Variants in AKR1E2 observed in about 807,000 individuals in gnomAD.
The protein encoded by AKR1E2 is 1,5-anhydro-D-fructose reductase.
Under a neutral mutation model 41.9 loss-of-function variants are expected in AKR1E2, and 43 were observed. The ratio of observed to expected loss-of-function variants is 1.03; its 90% CI spans 0.80 to 1.32. The LOEUF is 1.32. Among genes scored for constraint, AKR1E2 ranks in the 40% most tolerant of loss-of-function variants. The pLI is 0.00. For missense variants in AKR1E2, 423 were observed against 396.5 expected, an observed-to-expected ratio of 1.07 and a Z score of -0.57; for synonymous variants, 121 against 138.9, an observed-to-expected ratio of 0.87 and a Z score of 0.91.
intron 1 of AKR1E2, 126 bp from the exon 2 acceptor site, chr10:4,830,549 A>G: frequency 9.7e-7 from 1 of 1,026,820 alleles, no homozygotes; most frequent in Non-Finnish European, 1.4e-6. Flanking sequence ...TAGACTGATT[A>G]TACTAGTACC....
At position 4,833,472 on chromosome 10, in the gene AKR1E2, G is replaced by T. The variant is rs41289263; in HGVS notation, c.324+6G>T. On this transcript the variant is annotated splice_donor_region_variant and intron_variant, in intron 3 of 9. Transcript: ENST00000298375. ...ACTGGCCCATGGGTTTCAAGGTACCGTTCAGTAGGTAGTTCGTTCTGCAGT... is the reference window on the plus strand; with the variant it reads ...ACTGGCCCATGGGTTTCAAGGTACCTTTCAGTAGGTAGTTCGTTCTGCAGT... 6.2e-7 allele frequency: 1 copy of T among 1,608,538 alleles called. No individual in the cohort carries two copies. The highest frequency in any genetic ancestry group is 8.5e-7 in the Non-Finnish European group (1 of 1,174,960).
At chr10:4,854,099 T>G in the AKR1E2 span, among the ~76,000 whole-genome samples, 12 of 147,762 alleles carry the variant, frequency 8.1e-5, 1 homozygote, top group African/African-American at 2.0e-4. Flanking sequence ...TTTTTTTTTT[T>G]TTTTTTTTTT....
chr10:4,872,005 G>A, the AKR1E2 span: 1 of 152,110 alleles, frequency 6.6e-6, no homozygotes, highest in Non-Finnish European at 1.5e-5. Context: ...CTGTTAAACT[G>A]GTGTGAGCCT....
At chr10:4,835,631 T>A (rs1195621950) in intron 3 of AKR1E2, 44 bp from the exon 4 acceptor site, 1 of 1,598,974 alleles carries the variant, frequency 6.3e-7, no homozygotes, top group East Asian at 2.3e-5. Context: ...TTTTTTGTTT[T>A]GTTTTGTTTT....
intron 7 of AKR1E2, among the ~76,000 whole-genome samples, 170 bp downstream of exon 7, chr10:4,842,027 TA>T (rs1376222664): frequency 6.6e-6 from 1 of 152,176 alleles, no homozygotes; most frequent in African/African-American, 2.4e-5. Flanking sequence ...GCCGCATTTC[TA>T]GTCACTCAAG....
chr10:4,868,569 G>C, the AKR1E2 span, among the ~76,000 whole-genome samples: 3 of 152,036 alleles, frequency 2.0e-5, no homozygotes, highest in African/African-American at 7.2e-5. Context: ...TTGTCTTACT[G>C]TATTGGCTAA....
upstream of AKR1E2, chr10:4,825,104 G>C (rs1022196496): frequency 2.3e-6 from 1 of 436,254 alleles, no homozygotes; most frequent in African/African-American, 2.0e-5. Flanking sequence ...CTTCCCACCT[G>C]TGAGGAGCTC....
At chr10:4,852,898 A>G (rs995395829), downstream of AKR1E2, among the ~76,000 whole-genome samples, 1 of 152,136 alleles carries the variant, frequency 6.6e-6, no homozygotes, top group Non-Finnish European at 1.5e-5. Context: ...GTGTCCTCAC[A>G]TGGTCTTCCT....
chr10:4,852,619 TG>T (rs1834549704), downstream of AKR1E2, among the ~76,000 whole-genome samples: 1 of 152,160 alleles, frequency 6.6e-6, no homozygotes, highest in Middle Eastern at 3.2e-3. Context: ...CCACCCCACC[TG>T]GTGTCTAATG....
intron 1 of AKR1E2, among the ~76,000 whole-genome samples, chr10:4,827,204 C>T (rs1274084587): frequency 1.3e-5 from 2 of 152,178 alleles, no homozygotes; most frequent in Non-Finnish European, 2.9e-5. Flanking sequence ...TATAATCGCT[C>T]TGTGCATTTA....
At chr10:4,864,091 A>G in the AKR1E2 span, among the ~76,000 whole-genome samples, 4 of 152,216 alleles carry the variant, frequency 2.6e-5, no homozygotes, top group Non-Finnish European at 5.9e-5. Context: ...AAAAGAGGGA[A>G]TACTCCCTAA....
the AKR1E2 span, among the ~76,000 whole-genome samples, chr10:4,862,146 T>C: frequency 0.26 from 39,252 of 152,158 alleles, 5,275 homozygotes; most frequent in Middle Eastern, 0.37. Context: ...GCTTTCTACA[T>C]ATGGCTAGCC....
At chr10:4,843,061 G>A (rs1198511037) in intron 8 of AKR1E2, among the ~76,000 whole-genome samples, 3 of 152,176 alleles carry the variant, frequency 2.0e-5, no homozygotes, top group Non-Finnish European at 4.4e-5. Flanking sequence ...GTCCTTTTCA[G>A]GGCAATCTTT....
At chr10:4,852,162 C>G (rs1834536665), downstream of AKR1E2, among the ~76,000 whole-genome samples, 1 of 152,208 alleles carries the variant, frequency 6.6e-6, no homozygotes, top group Non-Finnish European at 1.5e-5. Context: ...TACTGTGAGA[C>G]TGGATTGGTG....
At chr10:4,849,144 G>C (rs575818406), downstream of AKR1E2, among the ~76,000 whole-genome samples, 5 of 152,328 alleles carry the variant, frequency 3.3e-5, no homozygotes, top group South Asian at 1.0e-3. Flanking sequence ...GTGGGGGTAG[G>C]ATTGAGGGTG....
intron 1 of AKR1E2, among the ~76,000 whole-genome samples, chr10:4,829,647 T>C (rs543408657): frequency 1.2e-4 from 19 of 152,302 alleles, no homozygotes; most frequent in African/African-American, 4.6e-4. Flanking sequence ...AGCTTTATTC[T>C]TGGGTTAAAT....
intron 9 of AKR1E2, 55 bp from the exon 10 acceptor site, chr10:4,847,433 C>G (rs1834414153): frequency 1.9e-6 from 3 of 1,594,536 alleles, no homozygotes; most frequent in Admixed American, 3.4e-5. Context: ...AAATGTTTCT[C>G]TTAAAAAATA....
At chr10:4,835,398 G>A (rs1180991429) in intron 3 of AKR1E2, among the ~76,000 whole-genome samples, 1 of 152,192 alleles carries the variant, frequency 6.6e-6, no homozygotes, top group East Asian at 1.9e-4. Flanking sequence ...TGGAGGCAAT[G>A]GGAGAGGACA....
At chr10:4,844,975 G>A (rs529767451) in intron 8 of AKR1E2, among the ~76,000 whole-genome samples, 158 of 152,280 alleles carry the variant, frequency 1.0e-3, no homozygotes, top group African/African-American at 3.6e-3. Context: ...GGCGGTGCTC[G>A]TTGGGGAGGC....
Sources: allele counts gnomAD v4.1 joint callset (sites outside exome capture counted in the v4.1 genomes callset), GRCh38; gene constraint gnomAD v4.1.1; transcripts MANE v1.5; gene names NCBI Gene and HGNC (gene_info 2026-07-23, HGNC 2026-07-21).